The following CSNK1G1 variants were observed in gnomAD, a reference collection of about 807,000 sequenced individuals.
CSNK1G1 encodes casein kinase 1 gamma 1, also known as casein kinase I isoform gamma-1.
CSNK1G1 carries 22 observed loss-of-function variants against 59.6 expected under a neutral mutation model. That is an observed-to-expected ratio of 0.37 (90% CI 0.26 to 0.53). The LOEUF (loss-of-function observed/expected upper bound fraction) is 0.53. CSNK1G1 is among the 20% of genes least tolerant of loss of function. The pLI is 0.89. For synonymous variants in CSNK1G1, 179 were observed against 177.1 expected, an observed-to-expected ratio of 1.01 and a Z score of -0.08; for missense variants, 384 against 519.5, an observed-to-expected ratio of 0.74 and a Z score of 2.54.
At position 64,300,668 on chromosome 15, in the gene CSNK1G1, T is replaced by G. The variant is rs1017220142; in HGVS notation, c.-169A>C. The stretch of plus-strand genomic sequence containing the variant: ...TCCGGGAGATGAAAAACCATTTATT[T>G]GTTCCCGTAGGAAATGTAGTCACTA... On this transcript the variant is annotated 5_prime_UTR_variant, in exon 2 of 12. Coordinates refer to ENST00000303052, the MANE Select transcript of CSNK1G1 (RefSeq NM_022048.5). The G allele has an allele frequency of 7.0e-6, 9 of 1,286,444 alleles. No individual in the cohort carries two copies. The highest frequency in any genetic ancestry group is 8.9e-6 in the Non-Finnish European group (9 of 1,015,392). The allele number at this position is 1,286,444 out of a possible 1,614,324, so 79.7% of individuals were successfully genotyped here.
chr15:64,191,236 A>T (rs958146426), intron 10 of CSNK1G1, among the ~76,000 whole-genome samples: 10 of 151,868 alleles, frequency 6.6e-5, no homozygotes, highest in African/African-American at 2.4e-4. Flanking sequence ...ATTTTTTTAT[A>T]TTTTTAGTAG....
At chr15:64,277,076 A>C (rs1893669420) in intron 2 of CSNK1G1, among the ~76,000 whole-genome samples, 1 of 152,212 alleles carries the variant, frequency 6.6e-6, no homozygotes, top group African/African-American at 2.4e-5. Context: ...CTTGATCATT[A>C]GACAAAATAG....
intron 2 of CSNK1G1, among the ~76,000 whole-genome samples, chr15:64,289,123 C>A (rs564126313): frequency 1.3e-5 from 2 of 150,332 alleles, no homozygotes; most frequent in African/African-American, 4.9e-5. Context: ...AAGGCTGCAG[C>A]GAGCCGAGAT....
intron 10 of CSNK1G1, among the ~76,000 whole-genome samples, chr15:64,184,494 T>C (rs2081863747): frequency 6.6e-6 from 1 of 151,146 alleles, no homozygotes; most frequent in Non-Finnish European, 1.5e-5. Context: ...CTGGACAACA[T>C]GGTGAAACCC....
chr15:64,347,584 T>TA (rs11456750), intron 1 of CSNK1G1, among the ~76,000 whole-genome samples: 93,626 of 123,324 alleles, frequency 0.76, 36,918 homozygotes, highest in East Asian at 0.93. Context: ...CACTCCGTCT[T>TA]AAAAAAAAAA....
chr15:64,166,248 A>T lies in CSNK1G1; in HGVS notation c.*5683T>A, dbSNP rs1442835511. The T allele has an allele frequency of 5.0e-6, 2 of 398,002 alleles. No individual in the cohort carries two copies. The highest frequency in any genetic ancestry group is 2.1e-5 in the African/African-American group (1 of 48,472). The allele number at this position is 398,002 out of a possible 1,614,324, so 24.7% of individuals were successfully genotyped here. A position where few individuals can be genotyped will look rare whatever the true frequency, so the allele number is the denominator to read the frequency against. On this transcript the variant is annotated 3_prime_UTR_variant, in exon 12 of 12. Coordinates refer to ENST00000303052, the MANE Select transcript of CSNK1G1 (RefSeq NM_022048.5). The surrounding 1 kb of genome is among the most constrained non-coding windows in gnomAD (Gnocchi z 4.5). Reference sequence around the variant, plus strand: ...CAATGGGCAAAGATCAAAGACAGATAAATAATAATATAATAAATTAGAGCA... The same window carrying T: ...CAATGGGCAAAGATCAAAGACAGATTAATAATAATATAATAAATTAGAGCA...
chr15:64,184,362 A>C lies in CSNK1G1; in HGVS notation c.1108-3908T>G, dbSNP rs1170786847. On this transcript the variant is annotated intron_variant, in intron 10 of 11. Coordinates refer to ENST00000303052, the MANE Select transcript of CSNK1G1 (RefSeq NM_022048.5). ...ATAATGTCATTATAAAAGATAATAAAAAATAAGCTTCATTATAAAAAGCTT... is the reference window on the plus strand; with the variant it reads ...ATAATGTCATTATAAAAGATAATAACAAATAAGCTTCATTATAAAAAGCTT... Among the ~76,000 whole-genome samples, 3 of 151,918 alleles carry C rather than the reference A, an allele frequency of 2.0e-5. No homozygotes were observed. In the East Asian group the frequency reaches 5.8e-4, roughly 29 times the overall value.
intron 2 of CSNK1G1, among the ~76,000 whole-genome samples, chr15:64,273,261 C>G (rs939591836): frequency 6.6e-6 from 1 of 151,958 alleles, no homozygotes; most frequent in Non-Finnish European, 1.5e-5. Context: ...CACACTCTAC[C>G]CCATAAGCAT....
chr15:64,204,671 G>T, intron 8 of CSNK1G1, 82 bp from the exon 9 acceptor site: 1 of 1,433,706 alleles, frequency 7.0e-7, no homozygotes, highest in Non-Finnish European at 9.7e-7. Context: ...GGCCACAAAG[G>T]GGTTATTTAT....
At chr15:64,182,067 T>TTG in intron 10 of CSNK1G1, among the ~76,000 whole-genome samples, 1 of 139,444 alleles carries the variant, frequency 7.2e-6, no homozygotes, top group Non-Finnish European at 1.6e-5. Context: ...TTTTTTTTTT[T>TTG]TTTTTTTTTT....
intron 10 of CSNK1G1, chr15:64,181,568 A>C (rs1408765057): frequency 6.0e-6 from 5 of 837,936 alleles, no homozygotes; most frequent in African/African-American, 5.3e-5. Flanking sequence ...GAGACTGTCT[A>C]GTATAATACC....
rs965902561 is a variant in CSNK1G1, at chr15:64,189,857, C to T, written c.1108-9403G>A. Reference sequence around the variant, plus strand: ...TTTTTGAGACGGAGTCTCGCTCTGTCGCCCAGGCTGGAGTGCAGTGGCGCA... The same window carrying T: ...TTTTTGAGACGGAGTCTCGCTCTGTTGCCCAGGCTGGAGTGCAGTGGCGCA... On this transcript the variant is annotated intron_variant, in intron 10 of 11. Coordinates refer to ENST00000303052, the MANE Select transcript of CSNK1G1 (RefSeq NM_022048.5). 7.7e-5 allele frequency among the ~76,000 whole-genome samples: 11 copies of T among 143,538 alleles called. No individual in the cohort carries two copies. In the East Asian group the frequency reaches 1.0e-3, roughly 13 times the overall value. The allele number at this position is 143,538 out of a possible 152,430, so 94.2% of individuals were successfully genotyped here.
At position 64,347,584 on chromosome 15, in the gene CSNK1G1, T is replaced by TAA. The variant is rs11456750; in HGVS notation, c.-225+8402_-225+8403dup. Reference sequence around the variant, plus strand: ...TGGTCAACATAGCAACACTCCGTCTTAAAAAAAAAAAAAAAGAAAGAAACA... The same window carrying TAA: ...TGGTCAACATAGCAACACTCCGTCTTAAAAAAAAAAAAAAAAAGAAAGAAACA... On this transcript the variant is annotated intron_variant, in intron 1 of 11. Coordinates refer to ENST00000303052, the MANE Select transcript of CSNK1G1 (RefSeq NM_022048.5). Among the ~76,000 whole-genome samples the TAA allele has an allele frequency of 2.2e-3, 270 of 123,474 alleles. 1 individual carries two copies. Among genetic ancestry groups the TAA allele is most frequent in the East Asian group, 0.013 (59 of 4,454 alleles). The allele number at this position is 123,474 out of a possible 152,430, so 81.0% of individuals were successfully genotyped here.
chr15:64,227,099 G>A (rs995147380), intron 4 of CSNK1G1, among the ~76,000 whole-genome samples: 3 of 152,208 alleles, frequency 2.0e-5, no homozygotes, highest in African/African-American at 7.2e-5. Flanking sequence ...AACTCAGTGC[G>A]ATGGCACTTG....
At chr15:64,222,432 ACC>A (rs1491539318) in intron 4 of CSNK1G1, among the ~76,000 whole-genome samples, 8,800 of 109,354 alleles carry the variant, frequency 0.08, 1,260 homozygotes, top group African/African-American at 0.27. Context: ...CAACAACAAC[ACC>A]ACCAAAAAAA....
At chr15:64,308,406 T>C (rs1004936036) in intron 1 of CSNK1G1, among the ~76,000 whole-genome samples, 1 of 149,834 alleles carries the variant, frequency 6.7e-6, no homozygotes, top group African/African-American at 2.5e-5. Flanking sequence ...GCCCCACTAG[T>C]TATATACACA....
intron 2 of CSNK1G1, among the ~76,000 whole-genome samples, chr15:64,282,994 C>G (rs187149931): frequency 8.5e-5 from 13 of 152,062 alleles, no homozygotes; most frequent in Admixed American, 8.5e-4. Flanking sequence ...AAGAATGATA[C>G]AATGGACTTT....
At chr15:64,348,434 T>G (rs1347425928) in intron 1 of CSNK1G1, 1 of 152,146 alleles carries the variant, frequency 6.6e-6, no homozygotes, top group East Asian at 1.9e-4. Context: ...CTGAACTCTA[T>G]GTACTATCTG....
At chr15:64,199,250 CAA>C (rs56819260) in intron 10 of CSNK1G1, among the ~76,000 whole-genome samples, 19 of 52,336 alleles carry the variant, frequency 3.6e-4, no homozygotes, top group Admixed American at 1.1e-3. Context: ...AATCTTTTCT[CAA>C]AAAAAAAAAA....
Sources: gnomAD v4.1 joint callset for allele counts (sites outside exome capture counted in the v4.1 genomes callset) on GRCh38, gnomAD v4.1.1 for gene constraint, Gnocchi (gnomAD v3.1) non-coding constraint, MANE v1.5 for transcripts, NCBI Gene and HGNC (gene_info 2026-07-23, HGNC 2026-07-21) for gene names.